The following GRM3 variants were observed in gnomAD, a reference collection of about 807,000 sequenced individuals.
The protein encoded by GRM3 is metabotropic glutamate receptor 3.
In GRM3, 26 loss-of-function variants were observed where a neutral mutation model predicts 70.5. The observed-to-expected ratio is 0.37, with a 90% CI of 0.27 to 0.51. The LOEUF (loss-of-function observed/expected upper bound fraction) is 0.51, where lower values mean the gene tolerates loss of function less well. GRM3 is among the 20% of genes least tolerant of loss of function. The pLI is 0.93. For synonymous variants in GRM3, 443 were observed against 434.9 expected, an observed-to-expected ratio of 1.02 and a Z score of -0.23; for missense variants, 859 against 1,123.8, an observed-to-expected ratio of 0.76 and a Z score of 3.37.
intron 1 of GRM3, among the ~76,000 whole-genome samples, chr7:86,698,646 T>C (rs1794885391): frequency 6.6e-6 from 1 of 151,150 alleles, no homozygotes; most frequent in South Asian, 2.1e-4. Context: ...AATGCACAAC[T>C]TTCAAGTTCA....
chr7:86,785,569 C>T (rs968016543), intron 2 of GRM3, among the ~76,000 whole-genome samples: 1 of 149,240 alleles, frequency 6.7e-6, no homozygotes, highest in Non-Finnish European at 1.5e-5. Context: ...TTCACATAGT[C>T]CAAGCAGAAA....
chr7:86,816,521 C>A (rs1413134420), intron 3 of GRM3, among the ~76,000 whole-genome samples: 1 of 151,848 alleles, frequency 6.6e-6, no homozygotes, highest in Non-Finnish European at 1.5e-5. Context: ...GTTTAGCTCC[C>A]ACTTGCAAGT....
chr7:86,749,654 T>A (rs1796184724), intron 1 of GRM3, among the ~76,000 whole-genome samples: 1 of 152,020 alleles, frequency 6.6e-6, no homozygotes, highest in Admixed American at 6.6e-5. Flanking sequence ...GAAACTGAAA[T>A]GAAGCATGTA....
At chr7:86,678,791 G>A (rs568778807) in intron 1 of GRM3, among the ~76,000 whole-genome samples, 1 of 152,078 alleles carries the variant, frequency 6.6e-6, no homozygotes, top group African/African-American at 2.4e-5. Flanking sequence ...TGATCCCTTA[G>A]AAGGTAATAC....
At chr7:86,691,900 A>T (rs1307111429) in intron 1 of GRM3, among the ~76,000 whole-genome samples, 3 of 152,232 alleles carry the variant, frequency 2.0e-5, no homozygotes, top group Non-Finnish European at 2.9e-5. Context: ...CTGTTATGGC[A>T]GCACAAAATG....
chr7:86,853,576 G>A (rs1416504455), intron 5 of GRM3, among the ~76,000 whole-genome samples: 2 of 152,156 alleles, frequency 1.3e-5, no homozygotes, highest in Admixed American at 1.3e-4. Context: ...CGTTCTTCCA[G>A]TGAGTATAAT....
chr7:86,718,029 C>G (rs1795362106), intron 1 of GRM3, among the ~76,000 whole-genome samples: 1 of 151,386 alleles, frequency 6.6e-6, no homozygotes, highest in Non-Finnish European at 1.5e-5. Flanking sequence ...GTTCCTAAAA[C>G]TCAGAAATCC....
At chr7:86,751,464 A>G (rs1349027108) in intron 1 of GRM3, among the ~76,000 whole-genome samples, 1 of 152,114 alleles carries the variant, frequency 6.6e-6, no homozygotes, top group Non-Finnish European at 1.5e-5. Flanking sequence ...TAATAGACAT[A>G]ATAAGCAATT....
At chr7:86,685,816 G>T (rs1794551418) in intron 1 of GRM3, among the ~76,000 whole-genome samples, 1 of 148,208 alleles carries the variant, frequency 6.7e-6, no homozygotes, top group African/African-American at 2.5e-5. Context: ...TGAGGCAAGA[G>T]AATTGCTTGA....
At chr7:86,834,892 G>A (rs1256871384) in intron 3 of GRM3, among the ~76,000 whole-genome samples, 1 of 151,620 alleles carries the variant, frequency 6.6e-6, no homozygotes, top group Non-Finnish European at 1.5e-5. Context: ...TTTCTTATTT[G>A]TAACATGAAA....
At chr7:86,667,106 C>G (rs2115877033) in intron 1 of GRM3, among the ~76,000 whole-genome samples, 1 of 152,196 alleles carries the variant, frequency 6.6e-6, no homozygotes, top group African/African-American at 2.4e-5. Context: ...ACTTGTGGAT[C>G]TTCTCTATTG....
At chr7:86,651,503 C>T (rs935058215) in intron 1 of GRM3, among the ~76,000 whole-genome samples, 2 of 152,014 alleles carry the variant, frequency 1.3e-5, no homozygotes, top group Admixed American at 6.6e-5. Context: ...AGGTCAAAAA[C>T]GTTGGAATTT....
intron 1 of GRM3, among the ~76,000 whole-genome samples, chr7:86,668,323 T>A (rs909778576): frequency 6.8e-6 from 1 of 146,280 alleles, no homozygotes; most frequent in Non-Finnish European, 1.5e-5. Flanking sequence ...GGTAATCAAG[T>A]CTATATTCAC....
rs1254081698 is a variant in GRM3, at chr7:86,860,071, C to G, written c.2567-4211C>G. On this transcript the variant is annotated intron_variant, in intron 5 of 5. Transcript: ENST00000361669. The stretch of plus-strand genomic sequence containing the variant: ...AGTATCCAATAGTTACTATTTACCC[C>G]AAGTCCCAGGAAAGCCAAAAATAGG... Among the ~76,000 whole-genome samples the G allele has an allele frequency of 2.0e-5, 3 of 152,106 alleles. No individual in the cohort carries two copies. In the East Asian group the frequency reaches 5.8e-4, roughly 29 times the overall value.
intron 1 of GRM3, among the ~76,000 whole-genome samples, chr7:86,753,834 T>C (rs80343269): frequency 0.091 from 13,776 of 152,114 alleles, 700 homozygotes; most frequent in Middle Eastern, 0.13. Context: ...TGGGAACTTA[T>C]GGAGGGACTG....
At chr7:86,813,720 A>T (rs1797959753) in intron 3 of GRM3, among the ~76,000 whole-genome samples, 4 of 151,754 alleles carry the variant, frequency 2.6e-5, no homozygotes, top group Non-Finnish European at 5.9e-5. Context: ...TGGATATGTC[A>T]TGGTGGCCAG....
At chr7:86,693,296 G>T (rs1311143806) in intron 1 of GRM3, among the ~76,000 whole-genome samples, 2 of 152,186 alleles carry the variant, frequency 1.3e-5, no homozygotes, top group East Asian at 3.9e-4. Flanking sequence ...CATACAATTA[G>T]TAAGTGGCAA....
intron 5 of GRM3, among the ~76,000 whole-genome samples, chr7:86,862,191 C>T (rs1798973607): frequency 6.6e-6 from 1 of 152,090 alleles, no homozygotes; most frequent in Admixed American, 6.6e-5. Flanking sequence ...TTTAAACGTA[C>T]ACACAAAGAT....
intron 1 of GRM3, among the ~76,000 whole-genome samples, chr7:86,684,961 T>C (rs1009360905): frequency 1.3e-5 from 2 of 152,212 alleles, no homozygotes; most frequent in Non-Finnish European, 2.9e-5. Flanking sequence ...AAAGTACTTA[T>C]AGTAACTGAG....
Sources: gnomAD v4.1 joint callset for allele counts (sites outside exome capture counted in the v4.1 genomes callset) on GRCh38, gnomAD v4.1.1 for gene constraint, MANE v1.5 for transcripts, NCBI Gene and HGNC (gene_info 2026-07-23, HGNC 2026-07-21) for gene names.